Variants in SASH1 observed in about 807,000 individuals in gnomAD.
SASH1 encodes the protein SAM and SH3 domain containing 1.
A neutral mutation model predicts 125.2 loss-of-function variants in SASH1; 44 were observed. That is an observed-to-expected ratio of 0.35 (90% CI 0.28 to 0.45). SASH1 has a LOEUF of 0.45. SASH1 is among the 20% of genes least tolerant of loss of function. SASH1 has a pLI of 1.00. For synonymous variants in SASH1, 639 were observed against 649.1 expected (o/e 0.98, Z 0.24); for missense variants, 1,426 against 1,614.5 (o/e 0.88, Z 2.00).
At chr6:148,338,971 C>T (rs1218254291), upstream of SASH1, among the ~76,000 whole-genome samples, 3 of 140,308 alleles carry the variant, frequency 2.1e-5, no homozygotes, top group African/African-American at 5.4e-5. Flanking sequence ...GGCCACTGCA[C>T]TCCAGCCTGG....
At chr6:148,243,450 A>AAAT in the SASH1 span, among the ~76,000 whole-genome samples, 14,257 of 138,376 alleles carry the variant, frequency 0.1, 906 homozygotes, top group African/African-American at 0.18. Flanking sequence ...AATTCCATCT[A>AAAT]AATAATAATA....
chr6:148,344,688 A>G (rs533909336), intron 1 of SASH1, among the ~76,000 whole-genome samples: 31 of 151,960 alleles, frequency 2.0e-4, no homozygotes, highest in African/African-American at 7.2e-4. Flanking sequence ...ACAGATGAAT[A>G]TGATCCTTCA....
At chr6:148,534,627 TA>T in intron 15 of SASH1, 123 bp from the exon 16 acceptor site, 2 of 924,796 alleles carry the variant, frequency 2.2e-6, no homozygotes, top group Non-Finnish European at 3.5e-6. Flanking sequence ...TGATACTTAC[TA>T]ATCTTTTGAT....
intron 1 of SASH1, among the ~76,000 whole-genome samples, chr6:148,284,338 C>T (rs1779428058): frequency 6.6e-6 from 1 of 152,080 alleles, no homozygotes; most frequent in Admixed American, 6.5e-5. Flanking sequence ...ACTCAGGAGG[C>T]TGAGGCATGA....
the SASH1 span, among the ~76,000 whole-genome samples, chr6:148,206,830 C>CACAT: frequency 6.6e-6 from 1 of 150,612 alleles, no homozygotes; most frequent in Non-Finnish European, 1.5e-5. Context: ...CACACACACA[C>CACAT]AAATTAACAT....
At chr6:148,465,845 C>G (rs184475757) in intron 4 of SASH1, among the ~76,000 whole-genome samples, 5 of 152,312 alleles carry the variant, frequency 3.3e-5, no homozygotes, top group African/African-American at 1.2e-4. Context: ...GCTCCCACTT[C>G]TCCCGTGGCC....
At chr6:148,547,138 A>G (rs552054624) in intron 19 of SASH1, among the ~76,000 whole-genome samples, 1 of 152,250 alleles carries the variant, frequency 6.6e-6, no homozygotes, top group Non-Finnish European at 1.5e-5. Context: ...TACTTAAAGG[A>G]AGCACTTAAG....
chr6:148,523,307 A>C, intron 10 of SASH1, among the ~76,000 whole-genome samples: 1 of 152,230 alleles, frequency 6.6e-6, no homozygotes, highest in Non-Finnish European at 1.5e-5. Context: ...CTGCTTTTGC[A>C]AGAAGGAGGA....
the SASH1 span, among the ~76,000 whole-genome samples, chr6:148,236,289 A>G: frequency 6.6e-6 from 1 of 151,476 alleles, no homozygotes; most frequent in Non-Finnish European, 1.5e-5. Flanking sequence ...ATCTCGGCTC[A>G]CTGCAACCTC....
At chr6:148,381,388 G>A (rs992531364) in intron 1 of SASH1, among the ~76,000 whole-genome samples, 1 of 152,134 alleles carries the variant, frequency 6.6e-6, no homozygotes, top group Non-Finnish European at 1.5e-5. Context: ...TTTCTGCCGC[G>A]ACTTTAACTC....
intron 1 of SASH1, among the ~76,000 whole-genome samples, chr6:148,307,064 C>CTTTCTTTCTT (rs1780155494): frequency 2.0e-5 from 3 of 146,592 alleles, no homozygotes. Context: ...TTCTTTCTTT[C>CTTTCTTTCTT]TTTCTTTCTT....
At chr6:148,245,014 C>T in the SASH1 span, among the ~76,000 whole-genome samples, 4 of 145,772 alleles carry the variant, frequency 2.7e-5, no homozygotes, top group East Asian at 8.5e-4. Flanking sequence ...TCTTGGTATT[C>T]CTTTTTCAAA....
At chr6:148,507,732 C>T (rs1377863886) in intron 8 of SASH1, among the ~76,000 whole-genome samples, 7 of 152,172 alleles carry the variant, frequency 4.6e-5, no homozygotes, top group Admixed American at 4.6e-4. Context: ...ACAGTGGTTC[C>T]TACGCATCCC....
intron 5 of SASH1, 167 bp downstream of exon 5, chr6:148,468,752 A>G: frequency 1.9e-6 from 1 of 539,508 alleles, no homozygotes; most frequent in East Asian, 3.1e-5. Context: ...GTTTTAAAAA[A>G]ATATAATTGT....
At chr6:148,509,099 T>G (rs1214372939) in intron 8 of SASH1, among the ~76,000 whole-genome samples, 1 of 152,060 alleles carries the variant, frequency 6.6e-6, no homozygotes, top group Non-Finnish European at 1.5e-5. Flanking sequence ...GAATAGTGAG[T>G]ATTGTTTTGA....
the SASH1 span, among the ~76,000 whole-genome samples, chr6:148,250,119 T>C: frequency 5.9e-5 from 9 of 152,264 alleles, no homozygotes; most frequent in East Asian, 1.7e-3. Context: ...TGCCAGTCAC[T>C]TACAGTCTCT....
intron 4 of SASH1, among the ~76,000 whole-genome samples, chr6:148,451,790 TG>T (rs1292943834): frequency 6.6e-6 from 1 of 152,234 alleles, no homozygotes; most frequent in East Asian, 1.9e-4. Context: ...TGAAAAGGGC[TG>T]ATGAGGTCTG....
At chr6:148,514,506 ATTCC>A in intron 9 of SASH1, 50 bp downstream of exon 9, 1 of 1,353,706 alleles carries the variant, frequency 7.4e-7, no homozygotes, top group South Asian at 1.5e-5. Context: ...CACCCTGGTT[ATTCC>A]AAAAGAAATC....
At chr6:148,540,996 C>T (rs1292603568) in intron 17 of SASH1, among the ~76,000 whole-genome samples, 2 of 151,980 alleles carry the variant, frequency 1.3e-5, no homozygotes, top group Non-Finnish European at 2.9e-5. Flanking sequence ...TGTTTGTGGC[C>T]TCTCTGTACA....
Sources: allele counts gnomAD v4.1 joint callset (sites outside exome capture counted in the v4.1 genomes callset), GRCh38; gene constraint gnomAD v4.1.1; transcripts MANE v1.5; gene names NCBI Gene and HGNC (gene_info 2026-07-23, HGNC 2026-07-21).